The following FAF1 variants were observed in gnomAD, a reference collection of about 807,000 sequenced individuals.
The protein encoded by FAF1 is FAS-associated factor 1.
FAF1 carries 25 observed loss-of-function variants against 92.5 expected under a neutral mutation model. The observed-to-expected ratio is 0.27, with a 90% confidence interval of 0.20 to 0.38. FAF1 has a LOEUF of 0.38. Ranked by LOEUF, FAF1 falls within the 10% of genes least tolerant of loss-of-function variation. The pLI is 1.00. For missense variants in FAF1, 636 were observed against 793.3 expected (o/e 0.80, Z 2.38); for synonymous variants, 234 against 273.2 (o/e 0.86, Z 1.42).
At chr1:50,582,438 G>T in intron 12 of FAF1, 180 bp downstream of exon 12, 2 of 513,748 alleles carry the variant, frequency 3.9e-6, no homozygotes, top group Non-Finnish European at 7.0e-6. Flanking sequence ...ACTAAAATTG[G>T]ACTTATACAG....
intron 2 of FAF1, among the ~76,000 whole-genome samples, chr1:50,841,413 C>A (rs1001946760): frequency 6.6e-6 from 1 of 151,918 alleles, no homozygotes; most frequent in African/African-American, 2.4e-5. Flanking sequence ...ACCAAAGTGC[C>A]AAAAGTTGTA....
At chr1:50,862,609 A>G (rs1368767338) in intron 1 of FAF1, among the ~76,000 whole-genome samples, 1 of 151,918 alleles carries the variant, frequency 6.6e-6, no homozygotes. Context: ...GGCAGAATGG[A>G]TAAGAATTCA....
At chr1:50,654,973 T>TTG (rs2124293125) in intron 8 of FAF1, among the ~76,000 whole-genome samples, 1 of 145,704 alleles carries the variant, frequency 6.9e-6, no homozygotes, top group African/African-American at 2.5e-5. Flanking sequence ...AGATATTTCT[T>TTG]TTTTTTTTTT....
chr1:50,580,327 A>G (rs1225074800), intron 12 of FAF1, among the ~76,000 whole-genome samples: 1 of 151,928 alleles, frequency 6.6e-6, no homozygotes, highest in East Asian at 1.9e-4. Flanking sequence ...ACAAATCCAA[A>G]TAAGTATAAA....
intron 2 of FAF1, among the ~76,000 whole-genome samples, chr1:50,857,311 C>CT (rs35934575): frequency 0.16 from 23,460 of 148,962 alleles, 2,212 homozygotes; most frequent in South Asian, 0.33. Flanking sequence ...ATAATTTAAA[C>CT]TTTTTTTTTT....
intron 1 of FAF1, among the ~76,000 whole-genome samples, chr1:50,929,085 A>G (rs564300184): frequency 7.8e-3 from 285 of 36,692 alleles, no homozygotes; most frequent in Middle Eastern, 0.021. Flanking sequence ...AAAAAAAAAA[A>G]AAAAGAAAGA....
intron 1 of FAF1, among the ~76,000 whole-genome samples, chr1:50,901,290 G>A (rs564099363): frequency 6.2e-4 from 95 of 152,182 alleles, no homozygotes; most frequent in African/African-American, 2.2e-3. Flanking sequence ...GCCCCTTAAG[G>A]GGATGGGGAA....
chr1:50,655,620 G>T, intron 7 of FAF1, 92 bp from the exon 8 acceptor site: 1 of 743,406 alleles, frequency 1.3e-6, no homozygotes, highest in Non-Finnish European at 2.1e-6. Flanking sequence ...TGTATTTCTT[G>T]TTTTCTTCTA....
chr1:50,584,782 A>G lies in FAF1; in HGVS notation c.870T>C (p.Asp290=), dbSNP rs1651146042. ...CATCTTCAAAGTCATCTCCATCGCT[A>G]TCACTAACCATATGAACATCGGTGA... ...EQITDVHMVS[D]SDGDDFEDAT... Residue 290 remains aspartate (D), a synonymous_variant, in exon 10 of 19, where the codon GAT becomes GAC. Coordinates refer to ENST00000396153, the MANE Select transcript of FAF1 (RefSeq NM_007051.3). 1.2e-6 allele frequency: 2 copies of G among 1,613,564 alleles called. No homozygotes were observed. Among genetic ancestry groups the G allele is most frequent in the Non-Finnish European group, 1.7e-6 (2 of 1,179,596 alleles).
intron 1 of FAF1, among the ~76,000 whole-genome samples, chr1:50,908,472 T>G (rs949429675): frequency 3.3e-5 from 5 of 152,168 alleles, no homozygotes; most frequent in African/African-American, 1.2e-4. Flanking sequence ...GATAGTGGGG[T>G]GTTAAAGTCT....
At chr1:50,785,940 A>C (rs1270535316) in intron 4 of FAF1, among the ~76,000 whole-genome samples, 1 of 151,994 alleles carries the variant, frequency 6.6e-6, no homozygotes, top group Admixed American at 6.6e-5. Context: ...CCAGCCTGGG[A>C]AAGAAAGTAA....
chr1:50,947,703 T>TC (rs1393526488), intron 1 of FAF1, among the ~76,000 whole-genome samples: 4 of 152,232 alleles, frequency 2.6e-5, no homozygotes, highest in Admixed American at 2.6e-4. Flanking sequence ...ATTGAGCCCC[T>TC]CAATAAAAGC....
At chr1:50,822,370 C>T (rs985808353) in intron 2 of FAF1, among the ~76,000 whole-genome samples, 4 of 152,158 alleles carry the variant, frequency 2.6e-5, no homozygotes, top group Admixed American at 6.5e-5. Flanking sequence ...CACCTCTTGT[C>T]AAATTAACAT....
At chr1:50,924,751 G>A (rs1644990824) in intron 1 of FAF1, among the ~76,000 whole-genome samples, 1 of 152,204 alleles carries the variant, frequency 6.6e-6, no homozygotes. Context: ...GGGAGGCTGA[G>A]GTGGGTGGAT....
intron 17 of FAF1, among the ~76,000 whole-genome samples, chr1:50,487,446 TTTC>T (rs1257947643): frequency 6.6e-6 from 1 of 152,220 alleles, no homozygotes. Flanking sequence ...ATATCTACTC[TTTC>T]TTAATCCCTT....
At chr1:50,868,093 T>G (rs1644496959) in intron 1 of FAF1, among the ~76,000 whole-genome samples, 1 of 152,138 alleles carries the variant, frequency 6.6e-6, no homozygotes, top group African/African-American at 2.4e-5. Flanking sequence ...AACCGAACAT[T>G]GCATGTTCTC....
intron 2 of FAF1, among the ~76,000 whole-genome samples, chr1:50,820,813 G>A (rs1222755018): frequency 6.6e-6 from 1 of 151,830 alleles, no homozygotes; most frequent in Non-Finnish European, 1.5e-5. Context: ...TTTTGTATTT[G>A]GCAGGATTTC....
At chr1:50,617,204 C>T (rs982491248) in intron 8 of FAF1, among the ~76,000 whole-genome samples, 4 of 152,116 alleles carry the variant, frequency 2.6e-5, no homozygotes, top group African/African-American at 9.7e-5. Flanking sequence ...GAGTAGGCAT[C>T]CTTGTATTGT....
intron 2 of FAF1, among the ~76,000 whole-genome samples, chr1:50,803,462 G>A (rs545860872): frequency 9.9e-5 from 15 of 152,146 alleles, no homozygotes; most frequent in African/African-American, 2.2e-4. Flanking sequence ...TGTGTAATAC[G>A]TAATTGTATA....
Sources: allele counts gnomAD v4.1 joint callset (sites outside exome capture counted in the v4.1 genomes callset), GRCh38; gene constraint gnomAD v4.1.1; transcripts MANE v1.5; gene names NCBI Gene and HGNC (gene_info 2026-07-23, HGNC 2026-07-21).